PWWP2A: variants seen among roughly 807,000 people sequenced by gnomAD.
PWWP2A encodes PWWP domain-containing protein 2A.
A neutral mutation model predicts 48.5 loss-of-function variants in PWWP2A; 18 were observed. The ratio of observed to expected loss-of-function variants is 0.37; its 90% CI spans 0.26 to 0.55. The LOEUF is 0.55. PWWP2A is among the 20% of genes least tolerant of loss of function. The pLI is 0.81. For missense variants in PWWP2A, 867 were observed against 976.4 expected (o/e 0.89, Z 1.49); for synonymous variants, 396 against 387.7 (o/e 1.02, Z -0.25).
At chr5:160,107,955 T>C (rs1368290014) in intron 1 of PWWP2A, among the ~76,000 whole-genome samples, 1 of 151,880 alleles carries the variant, frequency 6.6e-6, no homozygotes, top group African/African-American at 2.4e-5. Context: ...GAGCCAAGAT[T>C]GCACCATTGC....
At chr5:160,073,086 T>C (rs1276579071), downstream of PWWP2A, among the ~76,000 whole-genome samples, 1 of 151,302 alleles carries the variant, frequency 6.6e-6, no homozygotes, top group Non-Finnish European at 1.5e-5. Context: ...ACTGAAGAGC[T>C]TGGTGAGATG....
In PWWP2A at chr5:160,091,553, CA is replaced by C. The variant is rs1755069718; in HGVS notation, c.*828del. Reference sequence around the variant, plus strand: ...TTCACAAAGTATAATTTTACTGGGACATATCCTAAGAATTTAGGAACAGCCA... The same window carrying C: ...TTCACAAAGTATAATTTTACTGGGACTATCCTAAGAATTTAGGAACAGCCA... On this transcript the variant is annotated 3_prime_UTR_variant, in exon 2 of 2. Coordinates refer to ENST00000307063, the MANE Select transcript of PWWP2A (RefSeq NM_001130864.2). 2.0e-6 allele frequency: 2 copies of C among 984,614 alleles called. No homozygotes were observed. The highest frequency in any genetic ancestry group is 9.4e-5 in the South Asian group (2 of 21,258). 61.0% of individuals were successfully genotyped at this position (984,614 alleles called of 1,614,324 possible).
rs1251962536 is a variant in PWWP2A, at chr5:160,077,404, C to T, written c.*751G>A. The stretch of plus-strand genomic sequence containing the variant: ...TCCAATATCAACACTAGCCTATCCA[C>T]TTTGAGTCAAAATTTGAAAGGTAAG... On this transcript the variant is annotated 3_prime_UTR_variant, in exon 4 of 4. Coordinates refer to the PWWP2A transcript ENST00000456329. The surrounding 1 kb of genome is among the most constrained non-coding windows in gnomAD (Gnocchi z 4.2). 2.0e-5 allele frequency: 3 copies of T among 152,206 alleles called. No homozygotes were observed. Among genetic ancestry groups the T allele is most frequent in the Non-Finnish European group, 2.9e-5 (2 of 68,038 alleles). 9.4% of individuals were successfully genotyped at this position (152,206 alleles called of 1,614,324 possible). A position where few individuals can be genotyped will look rare whatever the true frequency, so the allele number is the denominator to read the frequency against.
At chr5:160,110,019 CTTT>C (rs1192761965) in intron 1 of PWWP2A, among the ~76,000 whole-genome samples, 1 of 141,906 alleles carries the variant, frequency 7.0e-6, no homozygotes, top group South Asian at 2.3e-4. Context: ...TTTGACAGTC[CTTT>C]TTTTTTTTCT....
intron 1 of PWWP2A, among the ~76,000 whole-genome samples, chr5:160,107,461 A>C (rs1417070068): frequency 6.6e-6 from 1 of 152,250 alleles, no homozygotes; most frequent in East Asian, 1.9e-4. Context: ...AATTTAGGGA[A>C]AACAGGGTAA....
At chr5:160,052,531 A>G in the PWWP2A span, among the ~76,000 whole-genome samples, 1 of 127,550 alleles carries the variant, frequency 7.8e-6, no homozygotes, top group African/African-American at 3.1e-5. Flanking sequence ...TTTACTAACA[A>G]TGATGCTCTA....
At chr5:160,117,319 T>C (rs1372275144) in intron 1 of PWWP2A, among the ~76,000 whole-genome samples, 2 of 151,394 alleles carry the variant, frequency 1.3e-5, no homozygotes, top group African/African-American at 4.9e-5. Context: ...CAAACAAACA[T>C]AAACAGAAGT....
rs1240890297 is a variant in PWWP2A at position 160,119,395 on chromosome 5, C to T, written c.-7G>A. ...CTGCAGCCACGGCCGCCATTTTCTT[C>T]CTAGCTTCTCCCTCCTCCAACTCCG... On this transcript the variant is annotated 5_prime_UTR_variant, in exon 1 of 2. Coordinates refer to ENST00000307063, the MANE Select transcript of PWWP2A (RefSeq NM_001130864.2). The T allele has an allele frequency of 1.3e-5, 17 of 1,357,088 alleles. No homozygotes were observed. The highest frequency in any genetic ancestry group is 3.9e-4 in the Middle Eastern group (2 of 5,134). 84.1% of individuals were successfully genotyped at this position (1,357,088 alleles called of 1,614,324 possible).
chr5:160,089,486 A>G, downstream of PWWP2A: 1 of 1,219,482 alleles, frequency 8.2e-7, no homozygotes, highest in South Asian at 1.4e-5. Context: ...TTCTAGGAAT[A>G]TGGGAATGAC....
downstream of PWWP2A, chr5:160,089,613 A>G (rs1193870922): frequency 2.3e-6 from 3 of 1,288,722 alleles, no homozygotes; most frequent in Non-Finnish European, 2.0e-6. Context: ...TATAAATTCT[A>G]GAAAGTAAAA....
chr5:160,116,658 C>G, intron 1 of PWWP2A: 1 of 985,230 alleles, frequency 1.0e-6, no homozygotes, highest in African/African-American at 1.7e-5. Flanking sequence ...ACAATGAGCA[C>G]TTATCCATTC....
intron 1 of PWWP2A, chr5:160,113,158 CAAA>C (rs5872630): frequency 2.3e-4 from 168 of 735,872 alleles, no homozygotes; most frequent in Non-Finnish European, 2.5e-4. Context: ...GACTCTGTGT[CAAA>C]AAAAAAAAAG....
At chr5:160,105,155 T>C (rs560215474) in intron 1 of PWWP2A, among the ~76,000 whole-genome samples, 18 of 145,656 alleles carry the variant, frequency 1.2e-4, no homozygotes, top group Admixed American at 4.1e-4. Context: ...GGAGGATCAC[T>C]TGAGACCAGG....
the PWWP2A span, chr5:160,051,093 T>C: frequency 6.5e-7 from 1 of 1,550,092 alleles, no homozygotes; most frequent in South Asian, 1.2e-5. Flanking sequence ...TTTTTTTTTT[T>C]TTTTTACCAA....
the PWWP2A span, among the ~76,000 whole-genome samples, chr5:160,047,437 T>C: frequency 6.6e-6 from 1 of 152,216 alleles, no homozygotes; most frequent in Non-Finnish European, 1.5e-5. Flanking sequence ...GTAATCCGGC[T>C]GCTGTTTTCC....
At chr5:160,086,264 C>A (rs978355036) in intron 2 of PWWP2A, among the ~76,000 whole-genome samples, 2 of 152,050 alleles carry the variant, frequency 1.3e-5, no homozygotes, top group Non-Finnish European at 2.9e-5. Context: ...ATACCTGTAA[C>A]CCCACCACTT....
At chr5:160,109,539 A>AT (rs1230935368) in intron 1 of PWWP2A, among the ~76,000 whole-genome samples, 24 of 151,672 alleles carry the variant, frequency 1.6e-4, no homozygotes, top group African/African-American at 4.8e-4. Flanking sequence ...GAGTGGTTCA[A>AT]TTTTCTTATG....
chr5:160,093,842 C>T lies in PWWP2A; in HGVS notation c.808G>A (p.Ala270Thr). The part of the protein sequence containing the change: ...SKPPPLFHEG[A>T]PYPPPLFIRD... ...ATAAACAAAGGGGGAGGATAAGGTG[C>T]TCCTTCATGGAAGAGAGGTGGTGGT... Residue 270 changes from alanine (A) to threonine (T), a missense_variant, in exon 2 of 2, where the codon GCA becomes ACA. Ala to Thr is a moderately conservative substitution (Grantham distance 58). Coordinates refer to ENST00000307063, the MANE Select transcript of PWWP2A (RefSeq NM_001130864.2). The surrounding 1 kb of genome is among the most constrained non-coding windows in gnomAD (Gnocchi z 5.8). The T allele has an allele frequency of 6.2e-7, 1 of 1,614,034 alleles. No individual in the cohort carries two copies. Among genetic ancestry groups the T allele is most frequent in the Non-Finnish European group, 8.5e-7 (1 of 1,179,896 alleles).
chr5:160,048,275 C>T, the PWWP2A span, among the ~76,000 whole-genome samples: 1 of 151,534 alleles, frequency 6.6e-6, no homozygotes, highest in African/African-American at 2.4e-5. Flanking sequence ...CCTAAACCAC[C>T]CAAATAGCTG....
Sources: gnomAD v4.1 joint callset for allele counts (sites outside exome capture counted in the v4.1 genomes callset) on GRCh38, gnomAD v4.1.1 for gene constraint, Gnocchi (gnomAD v3.1) non-coding constraint, MANE v1.5 for transcripts, NCBI Gene and HGNC (gene_info 2026-07-23, HGNC 2026-07-21) for gene names.